Variants in RARB observed in about 807,000 individuals in gnomAD.
The protein encoded by RARB is HBV-activated protein.
A neutral mutation model predicts 51.9 loss-of-function variants in RARB; 17 were observed. That is an observed-to-expected ratio of 0.33 (90% CI 0.22 to 0.49). The LOEUF is 0.49. Among genes scored for constraint, RARB ranks in the 20% least tolerant of loss-of-function variants. The pLI is 0.99. For synonymous variants in RARB, 215 were observed against 195.4 expected, an observed-to-expected ratio of 1.10 and a Z score of -0.84; for missense variants, 369 against 550.8, an observed-to-expected ratio of 0.67 and a Z score of 3.30.
chr3:25,159,412 A>ACCG (rs1553638589), intron 4 of RARB, among the ~76,000 whole-genome samples: 6 of 141,748 alleles, frequency 4.2e-5, no homozygotes, highest in Admixed American at 2.8e-4. Context: ...CAGATGATCC[A>ACCG]CCCCCCCCGC....
chr3:24,939,997 A>G (rs1161448945), intron 2 of RARB, among the ~76,000 whole-genome samples: 1 of 152,212 alleles, frequency 6.6e-6, no homozygotes, highest in Non-Finnish European at 1.5e-5. Flanking sequence ...AATCAAAACA[A>G]TGTTCTCACT....
intron 5 of RARB, among the ~76,000 whole-genome samples, chr3:25,292,258 C>T (rs1703807230): frequency 6.6e-6 from 1 of 152,078 alleles, no homozygotes; most frequent in Non-Finnish European, 1.5e-5. Flanking sequence ...GTGAGATAGC[C>T]CCTTCCCACC....
intron 5 of RARB, among the ~76,000 whole-genome samples, chr3:25,321,044 A>G (rs1704555612): frequency 6.6e-6 from 1 of 152,176 alleles, no homozygotes. Context: ...TCCCTTTCGG[A>G]GCACTTTTTT....
chr3:25,054,583 C>G (rs903173234), intron 2 of RARB, among the ~76,000 whole-genome samples: 2 of 152,158 alleles, frequency 1.3e-5, no homozygotes, highest in African/African-American at 4.8e-5. Context: ...TGACTCTCAA[C>G]AGTGTGTATA....
At chr3:25,332,067 C>T (rs1307017892) in intron 5 of RARB, among the ~76,000 whole-genome samples, 9 of 152,210 alleles carry the variant, frequency 5.9e-5, no homozygotes, top group Non-Finnish European at 1.2e-4. Flanking sequence ...CAGGACCAGA[C>T]GGATTCACAG....
rs973993617 is a variant in RARB at position 24,983,209 on chromosome 3, C to A, written c.-379-76916C>A. ...CAACATAGGTACACACATCTGCCAA[C>A]CTCATTATATCTTTTAGTAGAATTG... On this transcript the variant is annotated intron_variant, in intron 2 of 11. Coordinates refer to the RARB transcript ENST00000383772. Among the ~76,000 whole-genome samples the A allele has an allele frequency of 9.2e-5, 14 of 152,182 alleles. No individual in the cohort carries two copies. The East Asian group carries it at 2.3e-3, about 25-fold the overall frequency.
At chr3:25,044,696 C>G (rs1358818085) in intron 2 of RARB, among the ~76,000 whole-genome samples, 1 of 152,172 alleles carries the variant, frequency 6.6e-6, no homozygotes, top group Non-Finnish European at 1.5e-5. Flanking sequence ...AGATATTCAA[C>G]TTTTTGTAGA....
intron 4 of RARB, among the ~76,000 whole-genome samples, chr3:25,153,469 C>T (rs1426522681): frequency 7.8e-6 from 1 of 127,768 alleles, no homozygotes; most frequent in Non-Finnish European, 1.9e-5. Context: ...TGTACGACTT[C>T]TGCTGTTATC....
chr3:25,575,601 G>A (rs892876608), intron 4 of RARB, among the ~76,000 whole-genome samples: 3 of 152,022 alleles, frequency 2.0e-5, no homozygotes, highest in South Asian at 4.1e-4. Flanking sequence ...CCAATCCTCC[G>A]TCTTCTCATG....
At chr3:25,586,800 G>T (rs988534304) in intron 5 of RARB, among the ~76,000 whole-genome samples, 11 of 152,200 alleles carry the variant, frequency 7.2e-5, no homozygotes, top group Non-Finnish European at 1.2e-4. Flanking sequence ...AGAGACAAGA[G>T]CCCAGGCTGG....
chr3:25,594,844 A>C (rs919574367), intron 7 of RARB, among the ~76,000 whole-genome samples, 166 bp downstream of exon 7: 1 of 152,066 alleles, frequency 6.6e-6, no homozygotes, highest in African/African-American at 2.4e-5. Context: ...CCTCTAAAAA[A>C]AAAAAAAAAA....
intron 4 of RARB, among the ~76,000 whole-genome samples, chr3:25,160,886 C>T (rs954356406): frequency 1.3e-5 from 2 of 152,084 alleles, no homozygotes; most frequent in African/African-American, 4.8e-5. Context: ...CACATCACCC[C>T]AAATTCTGCT....
At chr3:25,427,477 C>G (rs1338415687), upstream of RARB, among the ~76,000 whole-genome samples, 1 of 152,096 alleles carries the variant, frequency 6.6e-6, no homozygotes, top group Non-Finnish European at 1.5e-5. Flanking sequence ...AGTTTGATTC[C>G]CCAACCCATG....
intron 5 of RARB, among the ~76,000 whole-genome samples, chr3:25,269,092 A>G (rs904434613): frequency 6.6e-6 from 1 of 152,342 alleles, no homozygotes; most frequent in East Asian, 1.9e-4. Context: ...TTACCCTCCA[A>G]TAAACTGTCA....
intron 4 of RARB, among the ~76,000 whole-genome samples, chr3:25,136,679 T>C (rs1401039961): frequency 6.6e-6 from 1 of 152,038 alleles, no homozygotes; most frequent in Non-Finnish European, 1.5e-5. Flanking sequence ...TAATACACGT[T>C]AGAAGCAGTG....
intron 5 of RARB, among the ~76,000 whole-genome samples, chr3:25,310,281 T>C (rs1704257612): frequency 6.6e-6 from 1 of 152,176 alleles, no homozygotes; most frequent in African/African-American, 2.4e-5. Context: ...GAGTGAGAAA[T>C]AGTCCTGAAT....
chr3:24,985,401 G>A (rs1390105226), intron 2 of RARB, among the ~76,000 whole-genome samples: 1 of 137,396 alleles, frequency 7.3e-6, no homozygotes, highest in Non-Finnish European at 1.6e-5. Context: ...TAACATATTT[G>A]GGTTAAACTA....
intron 5 of RARB, among the ~76,000 whole-genome samples, chr3:25,302,797 C>T (rs1043860843): frequency 1.3e-5 from 2 of 152,166 alleles, no homozygotes; most frequent in Non-Finnish European, 2.9e-5. Flanking sequence ...AAGCCTCCAC[C>T]AAAGCTGGGC....
chr3:24,859,686 C>T (rs946307722), intron 2 of RARB, among the ~76,000 whole-genome samples: 3 of 152,144 alleles, frequency 2.0e-5, no homozygotes, highest in Admixed American at 2.0e-4. Context: ...GTTTTATATA[C>T]TTTGGGGACT....
Sources: gnomAD v4.1 joint callset for allele counts (sites outside exome capture counted in the v4.1 genomes callset) on GRCh38, gnomAD v4.1.1 for gene constraint, MANE v1.5 for transcripts, NCBI Gene and HGNC (gene_info 2026-07-23, HGNC 2026-07-21) for gene names.